The following AGPAT4 variants were observed in gnomAD, a reference collection of about 807,000 sequenced individuals.
The protein encoded by AGPAT4 is 1-acylglycerol-3-phosphate O-acyltransferase 4.
Under a neutral mutation model 48.0 loss-of-function variants are expected in AGPAT4, and 15 were observed. That is an observed-to-expected ratio of 0.31 (90% confidence interval 0.21 to 0.48). The LOEUF (loss-of-function observed/expected upper bound fraction) is 0.48. AGPAT4 is among the 20% of genes least tolerant of loss of function. AGPAT4 has a pLI of 0.99. For synonymous variants in AGPAT4, 178 were observed against 198.7 expected (o/e 0.90, Z 0.88); for missense variants, 314 against 482.5 (o/e 0.65, Z 3.27).
rs1022095440 is a variant in AGPAT4 at position 161,238,078 on chromosome 6, T to G, written c.-89-5776A>C. Among the ~76,000 whole-genome samples the G allele has an allele frequency of 4.4e-3, 7 of 1,598 alleles. No homozygotes were observed. Among genetic ancestry groups the G allele is most frequent in the South Asian group, 0.028 (2 of 72 alleles). The allele number at this position is 1,598 out of a possible 152,430, so 1.0% of individuals were successfully genotyped here. On this transcript the variant is annotated intron_variant, in intron 1 of 8. Transcript: ENST00000320285. This position sits in a 1 kb window ranked among gnomAD's most constrained non-coding sequence, Gnocchi z 5.2. The stretch of plus-strand genomic sequence containing the variant: ...TGGGGGGCTGGGGGTGGGGGGGTAA[T>G]GGGGGGGTTGGGGGGCGGGAGGCAG...
chr6:161,199,725 A>G (rs957757215), intron 2 of AGPAT4, among the ~76,000 whole-genome samples: 5 of 152,108 alleles, frequency 3.3e-5, no homozygotes, highest in Non-Finnish European at 7.4e-5. Context: ...AAAAGCGTGC[A>G]GCACCTCCCC....
rs112620274 is a variant in AGPAT4, at chr6:161,163,113, G to A, written c.348+3135C>T. Among the ~76,000 whole-genome samples the A allele has an allele frequency of 6.5e-3, 983 of 152,364 alleles. 7 individuals are homozygous for A. Among genetic ancestry groups the A allele is most frequent in the African/African-American group, 0.023 (941 of 41,588 alleles). ...GAGCAGTGGCCTCATGGGATCTTGA[G>A]TACATTTAAAAGGTTGAAAGCCTCT... is the stretch of plus-strand genomic sequence containing the variant. On this transcript the variant is annotated intron_variant, in intron 3 of 8. Transcript: ENST00000320285.
intron 2 of AGPAT4, among the ~76,000 whole-genome samples, chr6:161,210,291 C>T (rs1189161369): frequency 6.6e-6 from 1 of 152,138 alleles, no homozygotes; most frequent in African/African-American, 2.4e-5. Context: ...GTAAATTTTG[C>T]TATTTGATTT....
chr6:161,268,225 T>C (rs1783320094), intron 1 of AGPAT4, among the ~76,000 whole-genome samples: 1 of 152,230 alleles, frequency 6.6e-6, no homozygotes, highest in African/African-American at 2.4e-5. Context: ...AGGCAGGCTG[T>C]CATCATTCTT....
In AGPAT4 at chr6:161,141,602, G is replaced by A. The variant is rs969970420; in HGVS notation, c.844-1982C>T. On this transcript the variant is annotated intron_variant, in intron 7 of 8. Transcript: ENST00000320285. The surrounding 1 kb of genome is among the most constrained non-coding windows in gnomAD (Gnocchi z 6.7). The stretch of plus-strand genomic sequence containing the variant: ...CTTGTTTTTTTTTAAAAAAAAAACA[G>A]CTTTCTTAAGATGTCACTTACATGC... Among the ~76,000 whole-genome samples the A allele has an allele frequency of 6.6e-6, 1 of 151,828 alleles. No individual in the cohort carries two copies. The highest frequency in any genetic ancestry group is 1.5e-5 in the Non-Finnish European group (1 of 67,964).
rs940462735 is a variant in AGPAT4 at position 161,246,179 on chromosome 6, G to C, written c.-89-13877C>G. ...TCTTACTTCAGTCATCAAGCTCAGAGCAAAAGATGCTTGGAGAAGTGATGA... is the reference window on the plus strand; with the variant it reads ...TCTTACTTCAGTCATCAAGCTCAGACCAAAAGATGCTTGGAGAAGTGATGA... On this transcript the variant is annotated intron_variant, in intron 1 of 8. Coordinates refer to ENST00000320285, the MANE Select transcript of AGPAT4 (RefSeq NM_020133.3). The surrounding 1 kb of genome is among the most constrained non-coding windows in gnomAD (Gnocchi z 5.5). 2.6e-5 allele frequency among the ~76,000 whole-genome samples: 4 copies of C among 152,170 alleles called. No homozygotes were observed. The highest frequency in any genetic ancestry group is 9.7e-5 in the African/African-American group (4 of 41,436).
intron 2 of AGPAT4, among the ~76,000 whole-genome samples, chr6:161,188,457 C>A (rs925836890): frequency 2.0e-5 from 3 of 152,136 alleles, no homozygotes; most frequent in African/African-American, 7.2e-5. Context: ...CCCAGTGTTT[C>A]CAACAACGTA....
At position 161,140,943 on chromosome 6, in the gene AGPAT4, T is replaced by C. The variant is rs1460640741; in HGVS notation, c.844-1323A>G. Among the ~76,000 whole-genome samples the C allele has an allele frequency of 6.6e-6, 1 of 152,234 alleles. No homozygotes were observed. The highest frequency in any genetic ancestry group is 1.9e-4 in the East Asian group (1 of 5,206). ...CTAGCCTAGTAATGTCCCAGTTCTC[T>C]AAGGAGTCGAGTTTTCTGGAAAATG... On this transcript the variant is annotated intron_variant, in intron 7 of 8. Coordinates refer to ENST00000320285, the MANE Select transcript of AGPAT4 (RefSeq NM_020133.3). This position sits in a 1 kb window ranked among gnomAD's most constrained non-coding sequence, Gnocchi z 6.5.
Position 161,144,162 on chromosome 6 carries a change from C to A in AGPAT4, c.843+2362G>T, listed in dbSNP as rs376143516. Reference sequence around the variant, plus strand: ...CACTCTGCTTGGAGAAACCATGCACCACTTCCACTTGCTGCTCAGCGATCT... The same window carrying A: ...CACTCTGCTTGGAGAAACCATGCACAACTTCCACTTGCTGCTCAGCGATCT... On this transcript the variant is annotated intron_variant, in intron 7 of 8. Coordinates refer to ENST00000320285, the MANE Select transcript of AGPAT4 (RefSeq NM_020133.3). The surrounding 1 kb of genome is among the most constrained non-coding windows in gnomAD (Gnocchi z 6.6). 1 of 533,186 alleles carries A rather than the reference C, an allele frequency of 1.9e-6. No homozygotes were observed. The highest frequency in any genetic ancestry group is 1.9e-5 in the African/African-American group (1 of 51,908). The allele number at this position is 533,186 out of a possible 1,614,324, so 33.0% of individuals were successfully genotyped here.
chr6:161,153,992 C>A (rs1779685373), intron 4 of AGPAT4, 157 bp downstream of exon 4: 1 of 984,650 alleles, frequency 1.0e-6, no homozygotes. Context: ...CCCATGGTCA[C>A]ATACATCCCT....
intron 2 of AGPAT4, among the ~76,000 whole-genome samples, chr6:161,181,958 G>A (rs953046931): frequency 1.3e-5 from 2 of 152,160 alleles, no homozygotes; most frequent in African/African-American, 4.8e-5. Flanking sequence ...GCACATGAAT[G>A]ATAGTCCCTC....
Position 161,161,067 on chromosome 6 carries a change from G to A in AGPAT4, c.348+5181C>T, listed in dbSNP as rs1295661514. The A allele has an allele frequency of 2.2e-6, 1 of 456,722 alleles. No individual in the cohort carries two copies. Among genetic ancestry groups the A allele is most frequent in the Admixed American group, 2.3e-5 (1 of 42,580 alleles). The allele number at this position is 456,722 out of a possible 1,614,324, so 28.3% of individuals were successfully genotyped here. A position where few individuals can be genotyped will look rare whatever the true frequency, so the allele number is the denominator to read the frequency against. On this transcript the variant is annotated intron_variant, in intron 3 of 8. Transcript: ENST00000320285. This position sits in a 1 kb window ranked among gnomAD's most constrained non-coding sequence, Gnocchi z 4.6. Reference sequence around the variant, plus strand: ...GATGATACCAAGTCGGTGTACAGCAGACAGCACAGGCTGTGACCGTTTGCT... The same window carrying A: ...GATGATACCAAGTCGGTGTACAGCAAACAGCACAGGCTGTGACCGTTTGCT...
intron 2 of AGPAT4, among the ~76,000 whole-genome samples, chr6:161,230,362 C>T (rs1782092181): frequency 1.3e-5 from 2 of 152,096 alleles, no homozygotes; most frequent in Non-Finnish European, 2.9e-5. Context: ...TTTGGAATCT[C>T]CATAGGTGTA....
At position 161,254,201 on chromosome 6, in the gene AGPAT4, G is replaced by C. The variant is rs1463400040; in HGVS notation, c.-90+19737C>G. On this transcript the variant is annotated intron_variant, in intron 1 of 8. Coordinates refer to ENST00000320285, the MANE Select transcript of AGPAT4 (RefSeq NM_020133.3). This position sits in a 1 kb window ranked among gnomAD's most constrained non-coding sequence, Gnocchi z 5.9. ...AAAACTTTTCTACTGCATTTTTTAA[G>C]ATCACATGAGTATGTTAACATATGT... 6.6e-6 allele frequency among the ~76,000 whole-genome samples: 1 copy of C among 152,022 alleles called. No homozygotes were observed. Among genetic ancestry groups the C allele is most frequent in the East Asian group, 1.9e-4 (1 of 5,206 alleles).
In AGPAT4 at chr6:161,180,130, A is replaced by G. The variant is rs3798923; in HGVS notation, c.179-13713T>C. Among the ~76,000 whole-genome samples, 48,946 of 151,956 alleles carry G rather than the reference A, an allele frequency of 0.32. 9,555 individuals are homozygous for G. The highest frequency in any genetic ancestry group is 0.55 in the African/African-American group (22,747 of 41,418). ...CTGCATTCTGGTCAGGATCCCAGGG[A>G]TGCCTATCCTCCCTGGAGACCCCAA... On this transcript the variant is annotated intron_variant, in intron 2 of 8. Coordinates refer to ENST00000320285, the MANE Select transcript of AGPAT4 (RefSeq NM_020133.3). The surrounding 1 kb of genome is among the most constrained non-coding windows in gnomAD (Gnocchi z 6.4).
chr6:161,181,230 G>C (rs1435756633), intron 2 of AGPAT4, among the ~76,000 whole-genome samples: 2 of 152,208 alleles, frequency 1.3e-5, no homozygotes, highest in African/African-American at 4.8e-5. Flanking sequence ...GCAGCCCAAT[G>C]CGTCTCTTGT....
chr6:161,273,800 C>CG (rs1554244818), intron 1 of AGPAT4, 138 bp downstream of exon 1: 6 of 149,432 alleles, frequency 4.0e-5, no homozygotes, highest in African/African-American at 1.5e-4. Context: ...GCACTCCCCC[C>CG]CCGCCCCCGG....
Position 161,254,099 on chromosome 6 carries a change from C to T in AGPAT4, c.-90+19839G>A, listed in dbSNP as rs1264582441. Among the ~76,000 whole-genome samples the T allele has an allele frequency of 2.0e-5, 3 of 152,192 alleles. No homozygotes were observed. The highest frequency in any genetic ancestry group is 4.4e-5 in the Non-Finnish European group (3 of 68,042). On this transcript the variant is annotated intron_variant, in intron 1 of 8. Coordinates refer to ENST00000320285, the MANE Select transcript of AGPAT4 (RefSeq NM_020133.3). The surrounding 1 kb of genome is among the most constrained non-coding windows in gnomAD (Gnocchi z 5.9). ...GGAAATACTCATTTTCTTCTTTATGCTTCTCTGTATTTTCTAATTATTCTA... is the reference window on the plus strand; with the variant it reads ...GGAAATACTCATTTTCTTCTTTATGTTTCTCTGTATTTTCTAATTATTCTA...
intron 1 of AGPAT4, among the ~76,000 whole-genome samples, chr6:161,252,134 C>T (rs969366191): frequency 6.6e-6 from 1 of 152,190 alleles, no homozygotes; most frequent in African/African-American, 2.4e-5. Flanking sequence ...GAGGGTGTAA[C>T]GAGGCCTCTA....
Sources: gnomAD v4.1 joint callset for allele counts (sites outside exome capture counted in the v4.1 genomes callset) on GRCh38, gnomAD v4.1.1 for gene constraint, Gnocchi (gnomAD v3.1) non-coding constraint, MANE v1.5 for transcripts, NCBI Gene and HGNC (gene_info 2026-07-23, HGNC 2026-07-21) for gene names.